Variants in LARGE1 observed in about 807,000 individuals in gnomAD.
LARGE1 encodes LARGE xylosyl- and glucuronyltransferase 1, also known as xylosyl- and glucuronyltransferase LARGE1.
A neutral mutation model predicts 87.6 loss-of-function variants in LARGE1; 43 were observed. That is an observed-to-expected ratio of 0.49 (90% CI 0.38 to 0.63). The LOEUF (loss-of-function observed/expected upper bound fraction) is 0.63, where lower values mean the gene tolerates loss of function less well. Among genes scored for constraint, LARGE1 ranks in the 30% least tolerant of loss-of-function variants. The pLI, the probability that LARGE1 is intolerant of heterozygous loss-of-function variation, is 0.00. For synonymous variants in LARGE1, 434 were observed against 394.6 expected (o/e 1.10, Z -1.18); for missense variants, 802 against 1,000.2 (o/e 0.80, Z 2.67).
chr22:33,785,669 T>C (rs577230336), intron 1 of LARGE1, among the ~76,000 whole-genome samples: 2 of 152,348 alleles, frequency 1.3e-5, no homozygotes, highest in East Asian at 1.9e-4. Flanking sequence ...AATTTGTTCA[T>C]TTACAAATAC....
At chr22:33,601,118 G>A (rs931633988) in intron 5 of LARGE1, among the ~76,000 whole-genome samples, 1 of 152,134 alleles carries the variant, frequency 6.6e-6, no homozygotes, top group Non-Finnish European at 1.5e-5. Flanking sequence ...CAGAGCAGTA[G>A]GAAACCAGAA....
intron 6 of LARGE1, among the ~76,000 whole-genome samples, chr22:33,550,174 CACATAT>C (rs764734194): frequency 0.019 from 2,372 of 128,170 alleles, 51 homozygotes; most frequent in African/African-American, 0.056. Context: ...CACACACACA[CACATAT>C]ATATATATGT....
At chr22:33,662,076 CAAAAAAA>C (rs34470280) in intron 2 of LARGE1, among the ~76,000 whole-genome samples, 150 of 54,918 alleles carry the variant, frequency 2.7e-3, no homozygotes, top group African/African-American at 8.4e-3. Context: ...GCTTAGGAGC[CAAAAAAA>C]AAAAAAAAAA....
At chr22:33,842,043 T>C (rs1011782772) in intron 1 of LARGE1, among the ~76,000 whole-genome samples, 3 of 152,176 alleles carry the variant, frequency 2.0e-5, no homozygotes, top group Non-Finnish European at 4.4e-5. Context: ...ACTTACAAAA[T>C]AGAAAGTTTG....
intron 6 of LARGE1, among the ~76,000 whole-genome samples, chr22:33,473,009 T>C (rs1343629035): frequency 6.6e-6 from 1 of 152,214 alleles, no homozygotes; most frequent in African/African-American, 2.4e-5. Context: ...ATATCTTGGC[T>C]TGCCTGGGAC....
At chr22:33,514,789 G>A (rs2071222713) in intron 6 of LARGE1, among the ~76,000 whole-genome samples, 1 of 152,148 alleles carries the variant, frequency 6.6e-6, no homozygotes, top group South Asian at 2.1e-4. Flanking sequence ...TCCTATTAAA[G>A]TGAGTCAGAA....
At chr22:33,598,959 A>G (rs1240093696) in intron 5 of LARGE1, among the ~76,000 whole-genome samples, 1 of 152,238 alleles carries the variant, frequency 6.6e-6, no homozygotes, top group African/African-American at 2.4e-5. Flanking sequence ...ACTGTCTTCC[A>G]CAATGGTTGA....
intron 6 of LARGE1, among the ~76,000 whole-genome samples, chr22:33,498,281 T>A (rs947526457): frequency 6.6e-6 from 1 of 152,126 alleles, no homozygotes; most frequent in African/African-American, 2.4e-5. Flanking sequence ...CAGATTTAAC[T>A]TTTTTTGCAA....
intron 2 of LARGE1, among the ~76,000 whole-genome samples, chr22:33,760,567 G>A (rs2145722743): frequency 6.6e-6 from 1 of 152,260 alleles, no homozygotes; most frequent in Middle Eastern, 3.4e-3. Flanking sequence ...GCTATCCTGT[G>A]AATCTCCAGA....
At chr22:33,322,585 G>A (rs1936852403) in intron 10 of LARGE1, 1 of 152,208 alleles carries the variant, frequency 6.6e-6, no homozygotes, top group African/African-American at 2.4e-5. Context: ...CTCAGCCCCT[G>A]TATGTTAGGA....
intron 1 of LARGE1, among the ~76,000 whole-genome samples, chr22:33,908,453 G>C (rs1380680242): frequency 6.6e-6 from 1 of 151,846 alleles, no homozygotes; most frequent in Admixed American, 6.6e-5. Context: ...CCGGGCAGGA[G>C]GGGTATGTGC....
At chr22:33,776,534 G>C (rs1161498527) in intron 1 of LARGE1, among the ~76,000 whole-genome samples, 1 of 152,150 alleles carries the variant, frequency 6.6e-6, no homozygotes, top group Non-Finnish European at 1.5e-5. Context: ...TGTTAAATCA[G>C]CCCTTAATCA....
chr22:33,179,548 G>C (rs1355712766), intron 11 of LARGE1, among the ~76,000 whole-genome samples: 3 of 152,200 alleles, frequency 2.0e-5, no homozygotes, highest in Admixed American at 6.5e-5. Flanking sequence ...CATAGGTACT[G>C]TTTGGGGAAA....
At chr22:33,315,440 T>C (rs1278848437) in intron 11 of LARGE1, among the ~76,000 whole-genome samples, 1 of 152,222 alleles carries the variant, frequency 6.6e-6, no homozygotes, top group Non-Finnish European at 1.5e-5. Context: ...AGAAACAGCG[T>C]TGCTTTCCAG....
intron 6 of LARGE1, among the ~76,000 whole-genome samples, chr22:33,437,630 T>C (rs2067318213): frequency 6.6e-6 from 1 of 151,766 alleles, no homozygotes; most frequent in Non-Finnish European, 1.5e-5. Context: ...CTCTGCTCCA[T>C]CTGCCTGGAC....
At chr22:33,281,118 A>G (rs1174826874) in intron 13 of LARGE1, among the ~76,000 whole-genome samples, 1 of 152,178 alleles carries the variant, frequency 6.6e-6, no homozygotes, top group Non-Finnish European at 1.5e-5. Context: ...CAAGGGCTGT[A>G]ACTTAGCACT....
chr22:33,408,047 C>T (rs1202553365), intron 7 of LARGE1, among the ~76,000 whole-genome samples: 1 of 148,962 alleles, frequency 6.7e-6, no homozygotes, highest in Non-Finnish European at 1.5e-5. Context: ...GTGGCACGAT[C>T]TCGGCTCACT....
At chr22:33,904,301 G>T (rs557425375) in intron 1 of LARGE1, among the ~76,000 whole-genome samples, 1 of 152,094 alleles carries the variant, frequency 6.6e-6, no homozygotes, top group African/African-American at 2.4e-5. Context: ...GATTACAGGC[G>T]TGTGCCACCA....
chr22:33,626,917 C>G (rs1482669360), intron 3 of LARGE1, among the ~76,000 whole-genome samples: 2 of 152,198 alleles, frequency 1.3e-5, no homozygotes, highest in Admixed American at 6.5e-5. Context: ...ACATGAATCC[C>G]TGAACTCAGG....
Sources: allele counts gnomAD v4.1 joint callset (sites outside exome capture counted in the v4.1 genomes callset), GRCh38; gene constraint gnomAD v4.1.1; transcripts MANE v1.5; gene names NCBI Gene and HGNC (gene_info 2026-07-23, HGNC 2026-07-21).